SYCP3: variants seen among roughly 807,000 people sequenced by gnomAD.
SYCP3 encodes the protein synaptonemal complex protein 3.
SYCP3 carries 29 observed loss-of-function variants against 38.5 expected under a neutral mutation model. The ratio of observed to expected loss-of-function variants is 0.75; its 90% CI spans 0.56 to 1.03. The LOEUF (loss-of-function observed/expected upper bound fraction) is 1.03. SYCP3 is among the 50% of genes least tolerant of loss of function. The probability of loss-of-function intolerance (pLI) is 0.00; values close to 1 mark genes in which losing one functional copy is unlikely to be tolerated. For synonymous variants in SYCP3, 79 were observed against 80.3 expected, an observed-to-expected ratio of 0.98 and a Z score of 0.08; for missense variants, 242 against 270.7, an observed-to-expected ratio of 0.89 and a Z score of 0.74.
At chr12:101,730,639 G>A in intron 7 of SYCP3, 1 of 311,234 alleles carries the variant, frequency 3.2e-6, no homozygotes, top group Non-Finnish European at 6.2e-6. Flanking sequence ...GACTACAGGT[G>A]AGTGCCACCA....
intron 4 of SYCP3, among the ~76,000 whole-genome samples, chr12:101,736,635 T>G (rs1272171703): frequency 6.6e-6 from 1 of 151,700 alleles, no homozygotes; most frequent in Non-Finnish European, 1.5e-5. Flanking sequence ...CTAAAGAAAA[T>G]AGCATAGGAA....
intron 1 of SYCP3, among the ~76,000 whole-genome samples, chr12:101,738,171 C>A (rs1040704437): frequency 6.6e-6 from 1 of 152,092 alleles, no homozygotes; most frequent in African/African-American, 2.4e-5. Context: ...CGCCTGAAAT[C>A]CCAGCACTTT....
chr12:101,738,004 T>TA, intron 1 of SYCP3, 52 bp from the exon 2 acceptor site: 1 of 1,591,992 alleles, frequency 6.3e-7, no homozygotes, highest in South Asian at 1.1e-5. Context: ...ATCATTTTAA[T>TA]ACACTGGTAA....
At chr12:101,729,537 C>T (rs572874374) in intron 7 of SYCP3, 219 of 241,912 alleles carry the variant, frequency 9.1e-4, no homozygotes, top group Non-Finnish European at 1.6e-3. Flanking sequence ...AAATATCAAG[C>T]AATAATCTAC....
intron 5 of SYCP3, among the ~76,000 whole-genome samples, chr12:101,733,927 T>C (rs910831233): frequency 3.3e-5 from 5 of 152,340 alleles, no homozygotes; most frequent in Admixed American, 1.3e-4. Flanking sequence ...TTATTGTATA[T>C]ATAAATTTTC....
chr12:101,729,034 T>C (rs1952062037), intron 8 of SYCP3, 54 bp from the exon 9 acceptor site: 2 of 1,610,540 alleles, frequency 1.2e-6, no homozygotes, highest in Admixed American at 1.7e-5. Flanking sequence ...TTAAGTGTTA[T>C]ACCTATTTCA....
intron 6 of SYCP3, chr12:101,731,962 C>T (rs773504514): frequency 2.1e-4 from 54 of 255,884 alleles, no homozygotes; most frequent in Non-Finnish European, 3.5e-4. Flanking sequence ...TTTTCCGTTT[C>T]GTGACCTGTT....
intron 4 of SYCP3, among the ~76,000 whole-genome samples, chr12:101,735,982 G>A (rs1952425570): frequency 6.7e-6 from 1 of 149,100 alleles, no homozygotes; most frequent in Non-Finnish European, 1.5e-5. Flanking sequence ...TGGAATTACA[G>A]GTGTGAGCCC....
At position 101,729,225 on chromosome 12, in the gene SYCP3, AAAGACAAGTT is replaced by A; in HGVS notation, c.553-22_553-13del. 1 of 1,612,138 alleles carries A rather than the reference AAAGACAAGTT, an allele frequency of 6.2e-7. No homozygotes were observed. Among genetic ancestry groups the A allele is most frequent in the Non-Finnish European group, 8.5e-7 (1 of 1,179,018 alleles). ...AACTCTTCCATACTCTAAAAACACA[AAAGACAAGTT>A]AAGTTACAAAGGACCACTTTTCATC... is the stretch of plus-strand genomic sequence containing the variant. On this transcript the variant is annotated splice_polypyrimidine_tract_variant and intron_variant, in intron 7 of 8. Transcript: ENST00000392924.
In SYCP3 at chr12:101,739,453, C is replaced by A; in HGVS notation, c.-120G>T. The A allele has an allele frequency of 6.0e-6, 6 of 1,002,608 alleles. No individual in the cohort carries two copies. Among genetic ancestry groups the A allele is most frequent in the Non-Finnish European group, 6.0e-6 (5 of 830,310 alleles). 62.1% of individuals were successfully genotyped at this position (1,002,608 alleles called of 1,614,324 possible). On this transcript the variant is annotated 5_prime_UTR_variant, in exon 1 of 9. Transcript: ENST00000392924. ...TTCACCTGAGGTGGCCCCTTCTCCGCGACGCTTCTGAGGCAAGCTGGGATT... is the reference window on the plus strand; with the variant it reads ...TTCACCTGAGGTGGCCCCTTCTCCGAGACGCTTCTGAGGCAAGCTGGGATT...
At chr12:101,734,823 C>G in intron 5 of SYCP3, 104 bp downstream of exon 5, 1 of 809,116 alleles carries the variant, frequency 1.2e-6, no homozygotes, top group Non-Finnish European at 2.1e-6. Flanking sequence ...GCTGGGATTA[C>G]TGGCATGAGC....
intron 7 of SYCP3, among the ~76,000 whole-genome samples, chr12:101,729,999 G>A (rs1331296776): frequency 1.3e-5 from 2 of 152,116 alleles, no homozygotes; most frequent in Non-Finnish European, 1.5e-5. Context: ...ATGAACAAAT[G>A]TAGTAAATGA....
Position 101,729,215 on chromosome 12 carries a change from TAAA to T in SYCP3, c.553-5_553-3del. 6.2e-7 allele frequency: 1 copy of T among 1,612,452 alleles called. No homozygotes were observed. Among genetic ancestry groups the T allele is most frequent in the Non-Finnish European group, 8.5e-7 (1 of 1,179,220 alleles). ...ATTCTTCTCCAACTCTTCCATACTC[TAAA>T]AACACAAAAGACAAGTTAAGTTACA... On this transcript the variant is annotated splice_polypyrimidine_tract_variant and splice_region_variant and intron_variant, in intron 7 of 8. Transcript: ENST00000392924.
Position 101,728,781 on chromosome 12 carries a change from T to C in SYCP3, c.*146A>G. 8.7e-7 allele frequency: 1 copy of C among 1,154,192 alleles called. No homozygotes were observed. Among genetic ancestry groups the C allele is most frequent in the Non-Finnish European group, 1.2e-6 (1 of 806,976 alleles). 71.5% of individuals were successfully genotyped at this position (1,154,192 alleles called of 1,614,324 possible). On this transcript the variant is annotated 3_prime_UTR_variant, in exon 9 of 9. Coordinates refer to ENST00000392924, the MANE Select transcript of SYCP3 (RefSeq NM_001177949.2). ...AACTCATAACTATTTAGATTTGACT[T>C]AACAGAAAGGGAGGTCTTACAATGA...
chr12:101,732,543 T>C (rs1222727463), intron 6 of SYCP3: 3 of 152,350 alleles, frequency 2.0e-5, no homozygotes, highest in Admixed American at 2.0e-4. Flanking sequence ...TATTTGCATA[T>C]AACCAATGCA....
chr12:101,736,943 AAC>A (rs934204626), intron 4 of SYCP3, 92 bp downstream of exon 4: 28 of 1,176,398 alleles, frequency 2.4e-5, no homozygotes, highest in African/African-American at 1.1e-4. Context: ...GGCATTAAAT[AAC>A]AGTCTTATAG....
At chr12:101,737,502 T>C in intron 2 of SYCP3, 1 of 656,966 alleles carries the variant, frequency 1.5e-6, no homozygotes, top group Non-Finnish European at 2.6e-6. Context: ...GAATAATTTT[T>C]CAAGTCTCCC....
Position 101,735,871 on chromosome 12 carries a change from A to ATATATATATATATTT in SYCP3, c.236-828_236-827insAAATATATATATATA. Among the ~76,000 whole-genome samples the ATATATATATATATTT allele has an allele frequency of 2.1e-4, 16 of 74,760 alleles. 1 individual carries two copies. In the East Asian group the frequency reaches 5.7e-3, roughly 27 times the overall value. The allele number at this position is 74,760 out of a possible 152,430, so 49.0% of individuals were successfully genotyped here. A position where few individuals can be genotyped will look rare whatever the true frequency, so the allele number is the denominator to read the frequency against. The stretch of plus-strand genomic sequence containing the variant: ...CAATTTTATATATATATATATATAT[A>ATATATATATATATTT]TTTTTTTTTTTTTAAAGACACGGGG... On this transcript the variant is annotated intron_variant, in intron 4 of 8. Coordinates refer to ENST00000392924, the MANE Select transcript of SYCP3 (RefSeq NM_001177949.2).
At position 101,728,940 on chromosome 12, in the gene SYCP3, G is replaced by T. The variant is rs1226462967; in HGVS notation, c.698C>A (p.Ser233Tyr). Residue 233 changes from serine to tyrosine, a missense_variant, in exon 9 of 9, where the codon TCC becomes TAC. By Grantham distance (144) the Ser-to-Tyr change is moderately radical. Transcript: ENST00000392924. Reference sequence around the variant, plus strand: ...TTCAAAGAGTCATCAGAATAACATGGATTGAAGAGACTTCCGAACACTTGC... The same window carrying T: ...TTCAAAGAGTCATCAGAATAACATGTATTGAAGAGACTTCCGAACACTTGC... ...EIASVRKSLQSMLF is the reference protein window; with the variant it reads ...EIASVRKSLQYMLF The T allele has an allele frequency of 1.9e-6, 3 of 1,613,370 alleles. No individual in the cohort carries two copies. Among genetic ancestry groups the T allele is most frequent in the East Asian group, 2.2e-5 (1 of 44,746 alleles).
Sources: gnomAD v4.1 joint callset for allele counts (sites outside exome capture counted in the v4.1 genomes callset) on GRCh38, gnomAD v4.1.1 for gene constraint, MANE v1.5 for transcripts, NCBI Gene and HGNC (gene_info 2026-07-23, HGNC 2026-07-21) for gene names.